The following SCMH1 variants were observed in gnomAD, a reference collection of about 807,000 sequenced individuals.
The protein encoded by SCMH1 is polycomb protein SCMH1.
SCMH1 carries 37 observed loss-of-function variants against 70.8 expected under a neutral mutation model. The observed-to-expected ratio is 0.52, with a 90% CI of 0.40 to 0.69. SCMH1 has a LOEUF of 0.69. SCMH1 is among the 30% of genes least tolerant of loss of function. The probability of loss-of-function intolerance (pLI) is 0.00; values close to 1 mark genes in which losing one functional copy is unlikely to be tolerated. For missense variants in SCMH1, 607 were observed against 827.3 expected (o/e 0.73, Z 3.27); for synonymous variants, 292 against 307.4 (o/e 0.95, Z 0.52).
chr1:41,205,902 C>G (rs1196213137), intron 1 of SCMH1, among the ~76,000 whole-genome samples: 2 of 152,206 alleles, frequency 1.3e-5, no homozygotes, highest in Admixed American at 6.5e-5. Context: ...CCCAAGCAAA[C>G]AAGGTCTGGA....
intron 5 of SCMH1, among the ~76,000 whole-genome samples, chr1:41,150,334 C>T (rs1644956297): frequency 6.6e-6 from 1 of 152,056 alleles, no homozygotes; most frequent in Non-Finnish European, 1.5e-5. Context: ...GAGACCCTGT[C>T]TCTACTAAAA....
rs189347664 is a variant in SCMH1 at position 41,130,374 on chromosome 1, T to C, written c.412+12504A>G. On this transcript the variant is annotated intron_variant, in intron 6 of 14. Coordinates refer to ENST00000337495, the Ensembl canonical transcript of SCMH1. Reference sequence around the variant, plus strand: ...ATAGTGTCCTTTGATGCACAAAAGTTTTGAATTTTGATGTAGTCTAATTTA... The same window carrying C: ...ATAGTGTCCTTTGATGCACAAAAGTCTTGAATTTTGATGTAGTCTAATTTA... Among the ~76,000 whole-genome samples, 14 of 152,258 alleles carry C rather than the reference T, an allele frequency of 9.2e-5. No homozygotes were observed. The East Asian group carries it at 2.7e-3, about 29-fold the overall frequency.
chr1:41,045,902 G>A (rs41269463), intron 12 of SCMH1: 2,477 of 152,822 alleles, frequency 0.016, 27 homozygotes, highest in South Asian at 0.03. Flanking sequence ...TTCCAGCCGA[G>A]TTAGAAATAG....
intron 8 of SCMH1, among the ~76,000 whole-genome samples, chr1:41,101,002 C>G (rs1394272563): frequency 6.6e-6 from 1 of 150,992 alleles, no homozygotes; most frequent in East Asian, 1.9e-4. Flanking sequence ...AAAGTCAAAG[C>G]TGAACCTGGG....
chr1:41,093,245 CCAT>C (rs1457423999), intron 8 of SCMH1, among the ~76,000 whole-genome samples: 1 of 151,668 alleles, frequency 6.6e-6, no homozygotes, highest in Non-Finnish European at 1.5e-5. Flanking sequence ...AAGCTGGAAA[CCAT>C]CATTCTCAGC....
At chr1:41,044,223 A>T (rs1466473062) in intron 12 of SCMH1, among the ~76,000 whole-genome samples, 3 of 152,156 alleles carry the variant, frequency 2.0e-5, no homozygotes, top group Admixed American at 6.6e-5. Context: ...GGGGAGGGCC[A>T]GTAAGCACCC....
At chr1:41,229,318 T>C (rs992219242) in intron 1 of SCMH1, among the ~76,000 whole-genome samples, 6 of 152,132 alleles carry the variant, frequency 3.9e-5, no homozygotes, top group Non-Finnish European at 7.3e-5. Context: ...CTATTCACAA[T>C]AGCAAAGACT....
intron 1 of SCMH1, among the ~76,000 whole-genome samples, chr1:41,204,891 T>C (rs1655150676): frequency 1.3e-5 from 2 of 152,214 alleles, no homozygotes; most frequent in Non-Finnish European, 2.9e-5. Context: ...GAAATGGGTA[T>C]ATGCTAATTT....
At chr1:41,191,923 G>A (rs1448072620) in intron 1 of SCMH1, among the ~76,000 whole-genome samples, 1 of 152,110 alleles carries the variant, frequency 6.6e-6, no homozygotes, top group Non-Finnish European at 1.5e-5. Context: ...TTTGTGGGAA[G>A]GTTGAATGCC....
At chr1:41,153,879 G>C (rs1370953020) in intron 4 of SCMH1, among the ~76,000 whole-genome samples, 1 of 152,136 alleles carries the variant, frequency 6.6e-6, no homozygotes, top group Non-Finnish European at 1.5e-5. Context: ...AAGCACTAAA[G>C]TAACCACAAA....
At chr1:41,198,046 C>A (rs1653441705) in intron 1 of SCMH1, among the ~76,000 whole-genome samples, 1 of 152,160 alleles carries the variant, frequency 6.6e-6, no homozygotes, top group African/African-American at 2.4e-5. Context: ...ACCTCAATTT[C>A]TACATCTTTA....
At chr1:41,082,711 T>G (rs571070181) in intron 8 of SCMH1, among the ~76,000 whole-genome samples, 70 of 152,244 alleles carry the variant, frequency 4.6e-4, no homozygotes, top group African/African-American at 1.6e-3. Flanking sequence ...TGAACATTGA[T>G]GCGAAAATCC....
chr1:41,197,807 G>A (rs1235587105), intron 1 of SCMH1, among the ~76,000 whole-genome samples: 1 of 152,124 alleles, frequency 6.6e-6, no homozygotes, highest in Non-Finnish European at 1.5e-5. Flanking sequence ...ATCCAATCTT[G>A]AGCCACAGAA....
intron 12 of SCMH1, among the ~76,000 whole-genome samples, chr1:41,042,352 G>C (rs894114310): frequency 1.3e-5 from 2 of 151,776 alleles, no homozygotes; most frequent in African/African-American, 4.8e-5. Context: ...AGGTTCAAGC[G>C]ATTCTCCTGC....
intron 8 of SCMH1, among the ~76,000 whole-genome samples, chr1:41,112,609 ATATAAC>A (rs1162874012): frequency 9.9e-5 from 15 of 152,160 alleles, no homozygotes; most frequent in East Asian, 9.6e-4. Context: ...ATAATATAGA[ATATAAC>A]TATAATAGCA....
chr1:41,074,589 T>A (rs1657606712), intron 9 of SCMH1, among the ~76,000 whole-genome samples: 1 of 152,210 alleles, frequency 6.6e-6, no homozygotes, highest in Non-Finnish European at 1.5e-5. Flanking sequence ...TTGTGCTTTC[T>A]GTCTACACGC....
chr1:41,040,186 C>T (rs1458622060), intron 12 of SCMH1, among the ~76,000 whole-genome samples: 1 of 152,122 alleles, frequency 6.6e-6, no homozygotes, highest in South Asian at 2.1e-4. Flanking sequence ...TGGGATCAAA[C>T]AAACATTTGT....
At chr1:41,191,868 C>G (rs1232567359) in intron 1 of SCMH1, among the ~76,000 whole-genome samples, 1 of 152,132 alleles carries the variant, frequency 6.6e-6, no homozygotes, top group Non-Finnish European at 1.5e-5. Flanking sequence ...TGACTTGACA[C>G]CTCCACCAAT....
chr1:41,236,019 T>C (rs1314342304), intron 1 of SCMH1, among the ~76,000 whole-genome samples: 2 of 152,196 alleles, frequency 1.3e-5, no homozygotes, highest in Non-Finnish European at 2.9e-5. Context: ...TAGTTCAAAT[T>C]TTTTGCTGTA....
Sources: gnomAD v4.1 joint callset for allele counts (sites outside exome capture counted in the v4.1 genomes callset) on GRCh38, gnomAD v4.1.1 for gene constraint, MANE v1.5 for transcripts, NCBI Gene and HGNC (gene_info 2026-07-23, HGNC 2026-07-21) for gene names.